The following FLNB variants were observed in gnomAD, a reference collection of about 807,000 sequenced individuals.
The protein encoded by FLNB is filamin B.
In FLNB, 111 loss-of-function variants were observed where a neutral mutation model predicts 250.6. The ratio of observed to expected loss-of-function variants is 0.44; its 90% CI spans 0.38 to 0.52. The LOEUF (loss-of-function observed/expected upper bound fraction) is 0.52, where lower values mean the gene tolerates loss of function less well. Ranked by LOEUF, FLNB falls within the 20% of genes least tolerant of loss-of-function variation. The pLI, the probability that FLNB is intolerant of heterozygous loss-of-function variation, is 0.00. For missense variants in FLNB, 2,869 were observed against 3,447.8 expected (o/e 0.83, Z 4.20); for synonymous variants, 1,302 against 1,372.1 (o/e 0.95, Z 1.13).
Position 58,027,193 on chromosome 3 carries a change from C to T in FLNB, c.292+18337C>T, listed in dbSNP as rs1019042361. Among the ~76,000 whole-genome samples the T allele has an allele frequency of 2.6e-5, 4 of 152,010 alleles. No homozygotes were observed. The South Asian group carries it at 6.2e-4, about 24-fold the overall frequency. On this transcript the variant is annotated intron_variant, in intron 1 of 45. Transcript: ENST00000295956. Reference sequence around the variant, plus strand: ...TTCCAGACAGGGTCTCCCTCTGTCACCCAGTCTGGAGTGCAGTGGCGCGAT... The same window carrying T: ...TTCCAGACAGGGTCTCCCTCTGTCATCCAGTCTGGAGTGCAGTGGCGCGAT...
chr3:58,088,848 C>T (rs1261263839), intron 4 of FLNB, among the ~76,000 whole-genome samples: 6 of 152,298 alleles, frequency 3.9e-5, no homozygotes, highest in Admixed American at 2.6e-4. Flanking sequence ...AGCCACTCTC[C>T]GGGGCCATGG....
intron 1 of FLNB, among the ~76,000 whole-genome samples, chr3:58,026,996 C>T (rs1424114191): frequency 1.3e-5 from 2 of 152,162 alleles, no homozygotes; most frequent in African/African-American, 4.8e-5. Context: ...GTTTCTCCAG[C>T]TACTAAAGGT....
At chr3:58,059,168 C>G (rs1359640378) in intron 1 of FLNB, among the ~76,000 whole-genome samples, 1 of 152,170 alleles carries the variant, frequency 6.6e-6, no homozygotes, top group Admixed American at 6.5e-5. Context: ...AACCAGCTAA[C>G]ATCTGGTAGT....
At chr3:58,154,611 G>A in intron 39 of FLNB, 180 bp from the exon 40 acceptor site, 1 of 609,892 alleles carries the variant, frequency 1.6e-6, no homozygotes, top group South Asian at 1.9e-5. Flanking sequence ...GTTATCACTA[G>A]TGATGCTTAG....
chr3:58,063,493 G>T (rs1404107316), intron 1 of FLNB, among the ~76,000 whole-genome samples: 1 of 152,192 alleles, frequency 6.6e-6, no homozygotes, highest in East Asian at 1.9e-4. Context: ...CAGGGCACAG[G>T]GAGGAGCCAT....
In FLNB at chr3:58,094,906, A is replaced by G. The variant is rs1348188309; in HGVS notation, c.858A>G (p.Gln286=). ...CTGTGGACACCATCAGCGCCGGGCA[A>G]GGAGACGTGATGGTGTTTGTTGAGG... The part of the protein sequence containing the change: ...KFTVDTISAG[Q]GDVMVFVEDP... Residue 286 remains glutamine (Q), a synonymous_variant, in exon 5 of 46, where the codon CAA becomes CAG. Coordinates refer to ENST00000295956, the MANE Select transcript of FLNB (RefSeq NM_001457.4). 1.2e-6 allele frequency: 2 copies of G among 1,614,166 alleles called. No homozygotes were observed. The highest frequency in any genetic ancestry group is 4.5e-5 in the East Asian group (2 of 44,888).
At chr3:58,155,747 G>T (rs189061196) in intron 40 of FLNB, among the ~76,000 whole-genome samples, 10 of 152,244 alleles carry the variant, frequency 6.6e-5, no homozygotes, top group African/African-American at 7.2e-5. Flanking sequence ...GCCATTTGGG[G>T]ACCCTGTGAG....
chr3:58,080,727 C>G (rs1335764269), intron 3 of FLNB, among the ~76,000 whole-genome samples: 1 of 150,866 alleles, frequency 6.6e-6, no homozygotes, highest in Non-Finnish European at 1.5e-5. Flanking sequence ...CTCCTGACCT[C>G]GTGATCCACC....
intron 9 of FLNB, 130 bp from the exon 10 acceptor site, chr3:58,103,829 G>C (rs907983181): frequency 1.9e-6 from 2 of 1,063,230 alleles, no homozygotes; most frequent in African/African-American, 3.1e-5. Context: ...CCATACTCTG[G>C]GGCAGCCCAC....
At chr3:58,112,685 C>A (rs1305020710) in intron 18 of FLNB, among the ~76,000 whole-genome samples, 2 of 152,182 alleles carry the variant, frequency 1.3e-5, no homozygotes, top group Non-Finnish European at 2.9e-5. Context: ...ACGTGCATTC[C>A]CTCGCGGCCT....
intron 1 of FLNB, among the ~76,000 whole-genome samples, chr3:58,065,744 T>C (rs1255823449): frequency 1.3e-5 from 2 of 152,150 alleles, no homozygotes; most frequent in African/African-American, 4.8e-5. Context: ...CCCTGTGGGG[T>C]GCACAGCCCC....
intron 4 of FLNB, among the ~76,000 whole-genome samples, chr3:58,085,444 G>A (rs60760508): frequency 0.011 from 1,620 of 152,296 alleles, 32 homozygotes; most frequent in African/African-American, 0.037. Context: ...AAGAGAGACC[G>A]TTTCATCTTC....
intron 28 of FLNB, among the ~76,000 whole-genome samples, chr3:58,137,841 G>A (rs2097319208): frequency 6.6e-6 from 1 of 152,130 alleles, no homozygotes; most frequent in Admixed American, 6.5e-5. Flanking sequence ...GGAACAGTTT[G>A]TTATTTTTTC....
rs1357070435 is a variant in FLNB at position 58,009,581 on chromosome 3, G to T, written c.292+725G>T. Among the ~76,000 whole-genome samples the T allele has an allele frequency of 2.0e-5, 3 of 152,136 alleles. No homozygotes were observed. In the East Asian group the frequency reaches 5.8e-4, roughly 29 times the overall value. ...CTGTCTTGTAGGGAGCCCAACTAGCGTCCACTGTGTACCGTCAGCCTTCTA... is the reference window on the plus strand; with the variant it reads ...CTGTCTTGTAGGGAGCCCAACTAGCTTCCACTGTGTACCGTCAGCCTTCTA... On this transcript the variant is annotated intron_variant, in intron 1 of 45. Transcript: ENST00000295956.
chr3:58,131,329 G>A (rs2097307001), intron 25 of FLNB, among the ~76,000 whole-genome samples: 1 of 152,220 alleles, frequency 6.6e-6, no homozygotes, highest in Non-Finnish European at 1.5e-5. Context: ...CCAGGCACAT[G>A]ATGCACGTGA....
chr3:58,150,378 C>T, intron 38 of FLNB, 151 bp downstream of exon 38: 1 of 836,208 alleles, frequency 1.2e-6, no homozygotes, highest in South Asian at 1.5e-5. Flanking sequence ...TCATTATGTT[C>T]TTCTATGTTT....
At chr3:58,031,274 ACT>A (rs950278289) in intron 1 of FLNB, among the ~76,000 whole-genome samples, 12 of 151,880 alleles carry the variant, frequency 7.9e-5, no homozygotes, top group African/African-American at 2.7e-4. Context: ...ATGGAGTCTC[ACT>A]CTGTCGCCCA....
At chr3:58,120,488 T>A (rs915695886) in intron 19 of FLNB, among the ~76,000 whole-genome samples, 21 of 152,228 alleles carry the variant, frequency 1.4e-4, no homozygotes, top group African/African-American at 4.6e-4. Flanking sequence ...CCAGTGCTTT[T>A]GTTTTGGGTA....
intron 1 of FLNB, among the ~76,000 whole-genome samples, chr3:58,019,387 G>A (rs2097110446): frequency 6.6e-6 from 1 of 152,118 alleles, no homozygotes; most frequent in African/African-American, 2.4e-5. Flanking sequence ...GGTTACTTGG[G>A]CCTGAGTCTT....
Sources: gnomAD v4.1 joint callset for allele counts (sites outside exome capture counted in the v4.1 genomes callset) on GRCh38, gnomAD v4.1.1 for gene constraint, MANE v1.5 for transcripts, NCBI Gene and HGNC (gene_info 2026-07-23, HGNC 2026-07-21) for gene names.